KLF15: variants seen among roughly 807,000 people sequenced by gnomAD.
KLF15 encodes KLF transcription factor 15.
In KLF15, 4 loss-of-function variants were observed where a neutral mutation model predicts 24.6. The ratio of observed to expected loss-of-function variants is 0.16; its 90% CI spans 0.08 to 0.37. The LOEUF (loss-of-function observed/expected upper bound fraction) is 0.37, where lower values mean the gene tolerates loss of function less well. KLF15 is among the 10% of genes least tolerant of loss of function. The pLI, the probability that KLF15 is intolerant of heterozygous loss-of-function variation, is 1.00. For missense variants in KLF15, 496 were observed against 560.6 expected (o/e 0.88, Z 1.16); for synonymous variants, 246 against 236.3 (o/e 1.04, Z -0.37).
At chr3:126,312,997 G>C in the KLF15 span, among the ~76,000 whole-genome samples, 2 of 152,128 alleles carry the variant, frequency 1.3e-5, no homozygotes, top group Non-Finnish European at 2.9e-5. Flanking sequence ...GCTGAGTTCT[G>C]TCTCCCAAAA....
chr3:126,329,866 C>T, the KLF15 span, among the ~76,000 whole-genome samples: 4 of 148,772 alleles, frequency 2.7e-5, no homozygotes, highest in African/African-American at 9.9e-5. Flanking sequence ...CAATTTCCTG[C>T]CATGTTGCTT....
At chr3:126,317,511 C>T in the KLF15 span, among the ~76,000 whole-genome samples, 2 of 152,134 alleles carry the variant, frequency 1.3e-5, no homozygotes, top group African/African-American at 4.8e-5. Flanking sequence ...CAGAGTTGAA[C>T]TGCTTTATGA....
chr3:126,312,757 GT>G, the KLF15 span, among the ~76,000 whole-genome samples: 178 of 152,322 alleles, frequency 1.2e-3, no homozygotes, highest in African/African-American at 4.0e-3. Context: ...CGTTTTCACA[GT>G]TTTGGAGGCT....
downstream of KLF15, among the ~76,000 whole-genome samples, chr3:126,337,670 C>G (rs2082448741): frequency 6.6e-6 from 1 of 152,092 alleles, no homozygotes; most frequent in Non-Finnish European, 1.5e-5. Context: ...TAAGGATATA[C>G]TCAAGTAACA....
At chr3:126,301,225 C>T in the KLF15 span, among the ~76,000 whole-genome samples, 1 of 151,602 alleles carries the variant, frequency 6.6e-6, no homozygotes, top group Non-Finnish European at 1.5e-5. Flanking sequence ...GCCGCCAGGG[C>T]CCATGAGCAC....
At chr3:126,331,817 G>A in the KLF15 span, among the ~76,000 whole-genome samples, 1 of 152,220 alleles carries the variant, frequency 6.6e-6, no homozygotes, top group East Asian at 1.9e-4. Flanking sequence ...AAGCGCAAGG[G>A]GTCAGGGAGT....
chr3:126,302,629 T>C, the KLF15 span, among the ~76,000 whole-genome samples: 4 of 152,302 alleles, frequency 2.6e-5, no homozygotes, highest in South Asian at 4.1e-4. Flanking sequence ...CCATTAATAA[T>C]GGTAATATGA....
the KLF15 span, among the ~76,000 whole-genome samples, chr3:126,327,148 A>G: frequency 6.6e-6 from 1 of 151,976 alleles, no homozygotes; most frequent in Non-Finnish European, 1.5e-5. Flanking sequence ...GTCACATCTC[A>G]TGGTCTCCTC....
chr3:126,343,531 G>T lies in KLF15; in HGVS notation c.*196C>A. 1 of 557,734 alleles carries T rather than the reference G, an allele frequency of 1.8e-6. No individual in the cohort carries two copies. Among genetic ancestry groups the T allele is most frequent in the Admixed American group, 3.9e-5 (1 of 25,754 alleles). 34.5% of individuals were successfully genotyped at this position (557,734 alleles called of 1,614,324 possible). On this transcript the variant is annotated 3_prime_UTR_variant, in exon 3 of 3. Transcript: ENST00000296233. ...GTGCGCCTGGGGCCCAGCCCCCAGGGACGCGGGTTCGAGGCTCTAAGTACT... is the reference window on the plus strand; with the variant it reads ...GTGCGCCTGGGGCCCAGCCCCCAGGTACGCGGGTTCGAGGCTCTAAGTACT...
At chr3:126,291,636 G>A in the KLF15 span, among the ~76,000 whole-genome samples, 3 of 152,266 alleles carry the variant, frequency 2.0e-5, no homozygotes, top group Non-Finnish European at 2.9e-5. Context: ...AGGTGGCTGC[G>A]TCCCGGCCTT....
chr3:126,341,318 G>A (rs980192986), downstream of KLF15, among the ~76,000 whole-genome samples: 3 of 152,184 alleles, frequency 2.0e-5, no homozygotes, highest in Non-Finnish European at 2.9e-5. Flanking sequence ...GGTGAGCAGC[G>A]TGTCCGGCCG....
chr3:126,343,957 A>G, intron 2 of KLF15, 62 bp from the exon 3 acceptor site: 1 of 1,477,766 alleles, frequency 6.8e-7, no homozygotes, highest in South Asian at 1.4e-5. Flanking sequence ...CCCCGACCCC[A>G]CGAAGTTGCC....
At chr3:126,305,676 G>A in the KLF15 span, among the ~76,000 whole-genome samples, 1 of 152,202 alleles carries the variant, frequency 6.6e-6, no homozygotes, top group African/African-American at 2.4e-5. Flanking sequence ...CTAGCCTCTG[G>A]TGTGGGAGGA....
At chr3:126,308,581 GTC>G in the KLF15 span, among the ~76,000 whole-genome samples, 4,031 of 152,278 alleles carry the variant, frequency 0.026, 126 homozygotes, top group African/African-American at 0.071. Context: ...CTGGTTCTCT[GTC>G]TGTGGAAGTC....
rs188293366 is a variant in KLF15 at position 126,349,988 on chromosome 3, A to C, written c.1082+1853T>G. Among the ~76,000 whole-genome samples, 166 of 152,296 alleles carry C rather than the reference A, an allele frequency of 1.1e-3. 1 individual carries two copies. Among genetic ancestry groups the C allele is most frequent in the African/African-American group, 3.8e-3 (157 of 41,576 alleles). ...ACAAACAACAAGGAGGCCGCTGTGG[A>C]GCCCTGCACGCCTGCCCTGGGCTGC... On this transcript the variant is annotated intron_variant, in intron 2 of 2. Transcript: ENST00000296233.
At chr3:126,331,073 A>G in the KLF15 span, among the ~76,000 whole-genome samples, 4 of 152,200 alleles carry the variant, frequency 2.6e-5, no homozygotes, top group African/African-American at 7.2e-5. Context: ...GGCAGCACAG[A>G]GGCAGGGTAG....
the KLF15 span, among the ~76,000 whole-genome samples, chr3:126,301,854 A>G: frequency 6.6e-6 from 1 of 151,878 alleles, no homozygotes; most frequent in African/African-American, 2.4e-5. Context: ...ACCTTAGGTG[A>G]TCTACCGGCC....
chr3:126,323,394 C>A, the KLF15 span, among the ~76,000 whole-genome samples: 2 of 72,208 alleles, frequency 2.8e-5, no homozygotes, highest in African/African-American at 6.1e-5. Context: ...TCTTACTTAG[C>A]CCCAGTAGTT....
chr3:126,310,706 C>T, the KLF15 span, among the ~76,000 whole-genome samples: 256 of 152,288 alleles, frequency 1.7e-3, 3 homozygotes, highest in African/African-American at 6.1e-3. Flanking sequence ...TGTCTGTGTC[C>T]TAATCCCCTT....
Sources: allele counts gnomAD v4.1 joint callset (sites outside exome capture counted in the v4.1 genomes callset), GRCh38; gene constraint gnomAD v4.1.1; transcripts MANE v1.5; gene names NCBI Gene and HGNC (gene_info 2026-07-23, HGNC 2026-07-21).